Variants in RIC3 observed in about 807,000 individuals in gnomAD.
The protein encoded by RIC3 is protein RIC-3.
RIC3 carries 28 observed loss-of-function variants against 27.3 expected under a neutral mutation model. The ratio of observed to expected loss-of-function variants is 1.02; its 90% CI spans 0.76 to 1.41. The LOEUF (loss-of-function observed/expected upper bound fraction) is 1.41, where lower values mean the gene tolerates loss of function less well. Ranked by LOEUF, RIC3 falls within the 40% of genes most tolerant of loss-of-function variation. RIC3 has a pLI of 0.00. For synonymous variants in RIC3, 184 were observed against 160.4 expected, an observed-to-expected ratio of 1.15 and a Z score of -1.11; for missense variants, 501 against 444.7, an observed-to-expected ratio of 1.13 and a Z score of -1.14.
rs780164793 is a variant in RIC3, at chr11:8,137,448, G to C, written c.451C>G (p.Gln151Glu). ...KITSFELAQLQEKLKETEAAM... is the reference protein window; with the variant it reads ...KITSFELAQLEEKLKETEAAM... ...GCTTCTGTCTCCTTCAGTTTTTCTTGCAGTTGAGCAAGCTCAAAACTGGCT... is the reference window on the plus strand; with the variant it reads ...GCTTCTGTCTCCTTCAGTTTTTCTTCCAGTTGAGCAAGCTCAAAACTGGCT... The change falls in exon 4 of 6, where the codon CAA (glutamine) becomes GAA (glutamate). Residue 151 changes from glutamine to glutamate, a missense_variant. Coordinates refer to ENST00000309737, the MANE Select transcript of RIC3 (RefSeq NM_001206671.4). The C allele has an allele frequency of 6.2e-7, 1 of 1,613,820 alleles. No homozygotes were observed. The highest frequency in any genetic ancestry group is 8.5e-7 in the Non-Finnish European group (1 of 1,179,994).
At chr11:8,133,479 T>C (rs1016129530) in intron 4 of RIC3, among the ~76,000 whole-genome samples, 5 of 152,022 alleles carry the variant, frequency 3.3e-5, no homozygotes, top group Non-Finnish European at 7.4e-5. Context: ...AAATGAGAGA[T>C]TTGGTAAAGA....
rs933530788 is a variant in RIC3, at chr11:8,106,160, T to C, written c.*4538A>G. 1 of 152,250 alleles carries C rather than the reference T, an allele frequency of 6.6e-6. No homozygotes were observed. Among genetic ancestry groups the C allele is most frequent in the East Asian group, 1.9e-4 (1 of 5,202 alleles). 9.4% of individuals were successfully genotyped at this position (152,250 alleles called of 1,614,324 possible). Reference sequence around the variant, plus strand: ...CAATGACAAACTTGGTATTTTCCCATGTTGACATTATGTATGTTGTAGAAT... The same window carrying C: ...CAATGACAAACTTGGTATTTTCCCACGTTGACATTATGTATGTTGTAGAAT... On this transcript the variant is annotated 3_prime_UTR_variant, in exon 6 of 6. Coordinates refer to ENST00000309737, the MANE Select transcript of RIC3 (RefSeq NM_001206671.4).
At chr11:8,164,231 G>T (rs1951463151) in intron 1 of RIC3, among the ~76,000 whole-genome samples, 1 of 152,080 alleles carries the variant, frequency 6.6e-6, no homozygotes, top group South Asian at 2.1e-4. Context: ...TATAAAACTT[G>T]AAAACATAGG....
chr11:8,133,268 G>A (rs1227233415), intron 4 of RIC3, among the ~76,000 whole-genome samples: 3 of 152,194 alleles, frequency 2.0e-5, no homozygotes, highest in Non-Finnish European at 4.4e-5. Context: ...ACAGCCTCCA[G>A]AACTGTGAGC....
chr11:8,136,842 T>A (rs1238805970), intron 4 of RIC3, among the ~76,000 whole-genome samples: 1 of 152,234 alleles, frequency 6.6e-6, no homozygotes, highest in Non-Finnish European at 1.5e-5. Context: ...ACAAATTTAT[T>A]CACTTTCACA....
At chr11:8,138,223 A>G (rs551683272) in intron 3 of RIC3, 49 bp downstream of exon 3, 8 of 1,327,488 alleles carry the variant, frequency 6.0e-6, no homozygotes, top group Non-Finnish European at 8.7e-6. Context: ...TGGCTATAAA[A>G]CTGTTTGACT....
chr11:8,146,269 T>C (rs778064547), intron 1 of RIC3, among the ~76,000 whole-genome samples: 140 of 152,312 alleles, frequency 9.2e-4, no homozygotes, highest in Admixed American at 2.7e-3. Context: ...TTTAAAAACA[T>C]ACCGTTAGGT....
At chr11:8,115,594 G>C (rs1247634671) in intron 5 of RIC3, among the ~76,000 whole-genome samples, 1 of 152,114 alleles carries the variant, frequency 6.6e-6, no homozygotes, top group East Asian at 1.9e-4. Flanking sequence ...GATCACCTGA[G>C]GTCAGGAGTT....
rs1018889698 is a variant in RIC3 at position 8,165,295 on chromosome 11, C to A, written c.124+3571G>T. 2.0e-5 allele frequency among the ~76,000 whole-genome samples: 3 copies of A among 147,766 alleles called. No individual in the cohort carries two copies. The Admixed American group carries it at 2.0e-4, about 10-fold the overall frequency. On this transcript the variant is annotated intron_variant, in intron 1 of 5. Coordinates refer to ENST00000309737, the MANE Select transcript of RIC3 (RefSeq NM_001206671.4). ...TAAAAGGCAAAAATTCAATGTCCAT[C>A]AATTGATTAATGAATAAATGAAATG...
At chr11:8,119,887 T>G (rs899707403) in intron 5 of RIC3, among the ~76,000 whole-genome samples, 2 of 152,202 alleles carry the variant, frequency 1.3e-5, no homozygotes, top group Non-Finnish European at 2.9e-5. Context: ...CAAAGGATTA[T>G]GAACAGACAC....
intron 1 of RIC3, among the ~76,000 whole-genome samples, chr11:8,153,800 C>G (rs1407620609): frequency 6.6e-6 from 1 of 152,156 alleles, no homozygotes; most frequent in Non-Finnish European, 1.5e-5. Flanking sequence ...TAAAAATGAA[C>G]TCATTTTCAC....
chr11:8,114,734 C>A (rs547081349), intron 5 of RIC3, among the ~76,000 whole-genome samples: 1 of 151,186 alleles, frequency 6.6e-6, no homozygotes, highest in African/African-American at 2.4e-5. Flanking sequence ...TAAAGGAAAC[C>A]AGGAAAACAA....
At chr11:8,168,759 G>A in intron 1 of RIC3, 107 bp downstream of exon 1, 1 of 1,446,304 alleles carries the variant, frequency 6.9e-7, no homozygotes, top group Non-Finnish European at 9.2e-7. Context: ...TCAGTTTGGT[G>A]GATATTTCGG....
intron 5 of RIC3, among the ~76,000 whole-genome samples, chr11:8,112,591 G>A (rs1055458902): frequency 3.3e-5 from 5 of 152,064 alleles, no homozygotes; most frequent in African/African-American, 9.7e-5. Context: ...CACCGCGCCC[G>A]GCCAACATGT....
At chr11:8,095,756 C>T in the RIC3 span, 1 of 1,369,050 alleles carries the variant, frequency 7.3e-7, no homozygotes, top group Admixed American at 2.3e-5. Flanking sequence ...TTCCTGTGTC[C>T]AAACCCCTCC....
At chr11:8,101,007 T>C in the RIC3 span, 1 of 1,614,140 alleles carries the variant, frequency 6.2e-7, no homozygotes, top group Non-Finnish European at 8.5e-7. Context: ...CGTGAGTGTT[T>C]CTGTCCCTAC....
rs186081938 is a variant in RIC3 at position 8,126,669 on chromosome 11, C to T, written c.660G>A (p.Glu220=). ...GAAGACACTGTTTACCTTCCCAGTC[C>T]TCCATGTAAGGGGCCTCCTCAGCTT... ...EKEAEEAPYM[E]DWEGYPEETY... is the part of the protein sequence containing the mutation. Residue 220 remains glutamate, a synonymous_variant, in exon 5 of 6, where the codon GAG becomes GAA. Transcript: ENST00000309737. 4 of 1,614,086 alleles carry T rather than the reference C, an allele frequency of 2.5e-6. 1 individual carries two copies. In the Admixed American group the frequency reaches 6.7e-5, roughly 27 times the overall value.
intron 1 of RIC3, 117 bp downstream of exon 1, chr11:8,168,745 CCAGT>C: frequency 7.2e-7 from 1 of 1,393,932 alleles, no homozygotes; most frequent in Non-Finnish European, 9.5e-7. Flanking sequence ...CCCGCCCTCT[CCAGT>C]CAGTTTGGTG....
Position 8,110,978 on chromosome 11 carries a change from C to T in RIC3, c.830G>A (p.Gly277Asp). 1 of 1,614,184 alleles carries T rather than the reference C, an allele frequency of 6.2e-7. No individual in the cohort carries two copies. Among genetic ancestry groups the T allele is most frequent in the Non-Finnish European group, 8.5e-7 (1 of 1,180,036 alleles). Reference sequence around the variant, plus strand: ...GGGGTCAGTGGGCAGACTTTCCCAACCCAAATGATCTGATTCTTCCTCTTC... The same window carrying T: ...GGGGTCAGTGGGCAGACTTTCCCAATCCAAATGATCTGATTCTTCCTCTTC... ...MIEEEESDHL[G>D]WESLPTDPRA... The change falls in exon 6 of 6, where the codon GGT becomes GAT. Residue 277 changes from glycine (G) to aspartate (D), a missense_variant. Coordinates refer to ENST00000309737, the MANE Select transcript of RIC3 (RefSeq NM_001206671.4).
Sources: gnomAD v4.1 joint callset for allele counts (sites outside exome capture counted in the v4.1 genomes callset) on GRCh38, gnomAD v4.1.1 for gene constraint, MANE v1.5 for transcripts, NCBI Gene and HGNC (gene_info 2026-07-23, HGNC 2026-07-21) for gene names.